The following CNTN4 variants were observed in gnomAD, a reference collection of about 807,000 sequenced individuals.
CNTN4 encodes the protein contactin-4.
A neutral mutation model predicts 122.5 loss-of-function variants in CNTN4; 77 were observed. The observed-to-expected ratio is 0.63, with a 90% CI of 0.52 to 0.76. The LOEUF (loss-of-function observed/expected upper bound fraction) is 0.76, where lower values mean the gene tolerates loss of function less well. CNTN4 is among the 30% of genes least tolerant of loss of function. The pLI is 0.00. For missense variants in CNTN4, 1,256 were observed against 1,259.1 expected, an observed-to-expected ratio of 1.00 and a Z score of 0.04; for synonymous variants, 512 against 447.0, an observed-to-expected ratio of 1.15 and a Z score of -1.83.
intron 14 of CNTN4, among the ~76,000 whole-genome samples, chr3:3,004,355 T>C (rs1696382491): frequency 6.6e-6 from 1 of 152,132 alleles, no homozygotes; most frequent in African/African-American, 2.4e-5. Flanking sequence ...TAGAAAACAC[T>C]GTTGGAGAAT....
intron 2 of CNTN4, among the ~76,000 whole-genome samples, chr3:2,173,500 G>C (rs1277527852): frequency 6.6e-6 from 1 of 152,120 alleles, no homozygotes; most frequent in African/African-American, 2.4e-5. Context: ...TATTTTAATG[G>C]TTTATTTATC....
At chr3:2,708,438 GTCCATTCT>G (rs1184864921) in intron 4 of CNTN4, among the ~76,000 whole-genome samples, 1 of 152,174 alleles carries the variant, frequency 6.6e-6, no homozygotes, top group Non-Finnish European at 1.5e-5. Context: ...AAGAGACTCT[GTCCATTCT>G]TGGAGGGGAT....
chr3:2,297,551 C>A (rs749795964), intron 2 of CNTN4, among the ~76,000 whole-genome samples: 8 of 152,146 alleles, frequency 5.3e-5, no homozygotes, highest in Admixed American at 2.0e-4. Context: ...TGATTTCACC[C>A]TGCCCATTTA....
chr3:2,623,114 T>C (rs1398039735), intron 4 of CNTN4, among the ~76,000 whole-genome samples: 2 of 152,198 alleles, frequency 1.3e-5, no homozygotes, highest in Non-Finnish European at 2.9e-5. Flanking sequence ...GAAAACTACT[T>C]CCCTGCTCAT....
chr3:2,134,198 A>C (rs2125295966), intron 2 of CNTN4, among the ~76,000 whole-genome samples: 1 of 152,292 alleles, frequency 6.6e-6, no homozygotes, highest in East Asian at 1.9e-4. Context: ...TTTTAAGGAA[A>C]TTGTCCTCCT....
intron 4 of CNTN4, among the ~76,000 whole-genome samples, chr3:2,677,343 T>C (rs1281422436): frequency 8.2e-6 from 1 of 121,284 alleles, no homozygotes; most frequent in South Asian, 3.0e-4. Flanking sequence ...TTTTTTTTTG[T>C]GGTGGGGGGC....
At chr3:2,242,222 A>G (rs910550522) in intron 2 of CNTN4, among the ~76,000 whole-genome samples, 1 of 152,148 alleles carries the variant, frequency 6.6e-6, no homozygotes, top group Non-Finnish European at 1.5e-5. Flanking sequence ...TCTAATGTAT[A>G]TTTAATATTA....
chr3:2,606,061 G>T (rs948412593), intron 4 of CNTN4, among the ~76,000 whole-genome samples: 4 of 152,084 alleles, frequency 2.6e-5, no homozygotes, highest in African/African-American at 9.7e-5. Context: ...ACTCGAGGCA[G>T]ACACACATGT....
chr3:2,114,486 A>T (rs1346998501), intron 2 of CNTN4, among the ~76,000 whole-genome samples: 1 of 152,124 alleles, frequency 6.6e-6, no homozygotes, highest in Non-Finnish European at 1.5e-5. Flanking sequence ...AAATTAAGAA[A>T]GAGGGTATAG....
chr3:2,683,338 A>G (rs1453355303), intron 4 of CNTN4, among the ~76,000 whole-genome samples: 1 of 152,002 alleles, frequency 6.6e-6, no homozygotes, highest in Non-Finnish European at 1.5e-5. Flanking sequence ...ACACACACAC[A>G]CACACACACA....
In CNTN4 at chr3:2,301,285, G is replaced by A. The variant is rs571679254; in HGVS notation, c.-144-37893G>A. On this transcript the variant is annotated intron_variant, in intron 2 of 24. Transcript: ENST00000418658. ...ATCCATATTAATTTATATCTTTATG[G>A]TCTGCATTATATTTCTTCATGAATA... Among the ~76,000 whole-genome samples, 10 of 152,230 alleles carry A rather than the reference G, an allele frequency of 6.6e-5. No homozygotes were observed. The South Asian group carries it at 8.3e-4, about 13-fold the overall frequency.
intron 4 of CNTN4, among the ~76,000 whole-genome samples, chr3:2,621,417 A>C (rs2081984371): frequency 1.3e-5 from 2 of 151,774 alleles, no homozygotes; most frequent in African/African-American, 4.8e-5. Context: ...ACATGTTCTC[A>C]CTCATAAGTG....
intron 2 of CNTN4, among the ~76,000 whole-genome samples, chr3:2,329,743 T>A (rs993862118): frequency 6.6e-6 from 1 of 151,924 alleles, no homozygotes; most frequent in African/African-American, 2.4e-5. Context: ...GCATTTTTTT[T>A]TATTAAAAAC....
At chr3:2,384,513 T>G (rs1296061603) in intron 3 of CNTN4, among the ~76,000 whole-genome samples, 2 of 152,242 alleles carry the variant, frequency 1.3e-5, no homozygotes, top group Non-Finnish European at 2.9e-5. Context: ...TTATGCTTAT[T>G]TTAATGGTTT....
At position 2,529,466 on chromosome 3, in the gene CNTN4, C is replaced by G. The variant is rs560076975; in HGVS notation, c.-88-41950C>G. ...TGATTTACTTTCCTTCAGATATATACCCAGTCATGGTATTGCTAGATAATG... is the reference window on the plus strand; with the variant it reads ...TGATTTACTTTCCTTCAGATATATAGCCAGTCATGGTATTGCTAGATAATG... On this transcript the variant is annotated intron_variant, in intron 3 of 24. Coordinates refer to ENST00000418658, the MANE Select transcript of CNTN4 (RefSeq NM_175607.3). 6.6e-4 allele frequency among the ~76,000 whole-genome samples: 101 copies of G among 152,188 alleles called. 1 individual carries two copies. The highest frequency in any genetic ancestry group is 2.3e-3 in the African/African-American group (97 of 41,532).
chr3:2,310,080 T>A (rs2042859072), intron 2 of CNTN4, among the ~76,000 whole-genome samples: 1 of 152,120 alleles, frequency 6.6e-6, no homozygotes, highest in African/African-American at 2.4e-5. Flanking sequence ...TCCAATCAAA[T>A]ACTGCAGTAG....
intron 2 of CNTN4, among the ~76,000 whole-genome samples, chr3:2,300,558 G>A (rs1468944810): frequency 4.6e-4 from 54 of 116,256 alleles, no homozygotes; most frequent in African/African-American, 1.7e-3. Context: ...CACAGTGACC[G>A]TCTTTTTTTT....
At chr3:2,351,502 A>G (rs538612734) in intron 3 of CNTN4, among the ~76,000 whole-genome samples, 2 of 152,252 alleles carry the variant, frequency 1.3e-5, no homozygotes, top group Non-Finnish European at 2.9e-5. Flanking sequence ...AAAGAAAAAG[A>G]GAACAGAGTT....
At chr3:2,199,807 G>C (rs1309707547) in intron 2 of CNTN4, among the ~76,000 whole-genome samples, 1 of 152,090 alleles carries the variant, frequency 6.6e-6, no homozygotes, top group African/African-American at 2.4e-5. Flanking sequence ...GTTACTTTAG[G>C]TTAGGTAGTT....
Sources: gnomAD v4.1 joint callset for allele counts (sites outside exome capture counted in the v4.1 genomes callset) on GRCh38, gnomAD v4.1.1 for gene constraint, MANE v1.5 for transcripts, NCBI Gene and HGNC (gene_info 2026-07-23, HGNC 2026-07-21) for gene names.